TBPL2: variants seen among roughly 807,000 people sequenced by gnomAD.
The protein encoded by TBPL2 is TATA-box binding protein like 2.
A neutral mutation model predicts 38.2 loss-of-function variants in TBPL2; 40 were observed. The ratio of observed to expected loss-of-function variants is 1.05; its 90% CI spans 0.81 to 1.36. The LOEUF (loss-of-function observed/expected upper bound fraction) is 1.36, where lower values mean the gene tolerates loss of function less well. Ranked by LOEUF, TBPL2 falls within the 40% of genes most tolerant of loss-of-function variation. TBPL2 has a pLI of 0.00. For missense variants in TBPL2, 461 were observed against 456.7 expected, an observed-to-expected ratio of 1.01 and a Z score of -0.09; for synonymous variants, 169 against 171.7, an observed-to-expected ratio of 0.98 and a Z score of 0.12.
At chr14:55,437,216 C>A (rs564192407) in intron 1 of TBPL2, among the ~76,000 whole-genome samples, 198 bp from the exon 2 acceptor site, 2 of 152,336 alleles carry the variant, frequency 1.3e-5, no homozygotes, top group African/African-American at 2.4e-5. Context: ...GTAGCTCACG[C>A]CTGTAATCCC....
chr14:55,433,772 T>C, intron 3 of TBPL2, 51 bp from the exon 4 acceptor site: 1 of 1,535,048 alleles, frequency 6.5e-7, no homozygotes. Context: ...GTTAACATTA[T>C]CCCAGTTGAA....
intron 4 of TBPL2, 124 bp from the exon 5 acceptor site, chr14:55,429,098 G>C (rs75295884): frequency 0.076 from 91,889 of 1,208,686 alleles, 3,830 homozygotes; most frequent in Non-Finnish European, 0.087. Flanking sequence ...GAAGCTGTAG[G>C]CTTTGTGAGG....
exon 6 of TBPL2, chr14:55,424,179 G>T: frequency 1.2e-6 from 2 of 1,612,928 alleles, no homozygotes; most frequent in Non-Finnish European, 8.5e-7. Context: ...AACTTTTCCA[G>T]ATACAAAGAT....
intron 4 of TBPL2, among the ~76,000 whole-genome samples, chr14:55,431,875 C>T (rs1385974356): frequency 6.6e-6 from 1 of 152,206 alleles, no homozygotes; most frequent in Non-Finnish European, 1.5e-5. Flanking sequence ...GTGGCTATAT[C>T]ATTGCATTAA....
intron 6 of TBPL2, among the ~76,000 whole-genome samples, chr14:55,417,226 G>A (rs145231007): frequency 1.2e-3 from 180 of 152,186 alleles, no homozygotes; most frequent in African/African-American, 4.0e-3. Context: ...GCGTGTAACC[G>A]GTGTTCCTTC....
At chr14:55,433,743 G>A (rs780879974) in intron 3 of TBPL2, 22 bp from the exon 4 acceptor site, 1 of 1,608,786 alleles carries the variant, frequency 6.2e-7, no homozygotes, top group South Asian at 1.1e-5. Context: ...AACCAAAAGA[G>A]AATTAGCCTC....
At chr14:55,417,330 A>G (rs1282363457) in intron 6 of TBPL2, among the ~76,000 whole-genome samples, 1 of 152,020 alleles carries the variant, frequency 6.6e-6, no homozygotes, top group Non-Finnish European at 1.5e-5. Context: ...ACATTTCCTC[A>G]CTAAAATATT....
chr14:55,414,535 G>A (rs1233479808), intron 6 of TBPL2, 80 bp from the exon 7 acceptor site: 13 of 1,010,988 alleles, frequency 1.3e-5, no homozygotes, highest in Non-Finnish European at 1.9e-5. Flanking sequence ...TCATTGTATT[G>A]TCTCCAATTA....
chr14:55,437,150 C>T, intron 1 of TBPL2, 132 bp from the exon 2 acceptor site: 1 of 749,238 alleles, frequency 1.3e-6, no homozygotes. Flanking sequence ...TGCTTGTATT[C>T]ATGCACTGCT....
At chr14:55,420,882 A>G (rs941596502) in intron 6 of TBPL2, among the ~76,000 whole-genome samples, 5 of 151,922 alleles carry the variant, frequency 3.3e-5, no homozygotes, top group Admixed American at 6.6e-5. Flanking sequence ...ACACGGTGAA[A>G]CCCCGTCTCT....
rs115672969 is a variant in TBPL2 at position 55,427,048 on chromosome 14, A to G, written c.956+1759T>C. Among the ~76,000 whole-genome samples, 911 of 152,366 alleles carry G rather than the reference A, an allele frequency of 6.0e-3. 12 individuals carry two copies. Among genetic ancestry groups the G allele is most frequent in the African/African-American group, 0.021 (874 of 41,586 alleles). ...GCTCTTGCAGATGTACACTAAGCCG[A>G]TTCAGAGAAAGATAGGCTGGAGGCT... On this transcript the variant is annotated intron_variant, in intron 5 of 6. Coordinates refer to ENST00000247219, the Ensembl canonical transcript of TBPL2.
chr14:55,432,901 AGCTAAT>A (rs1301308977), intron 4 of TBPL2, among the ~76,000 whole-genome samples: 1 of 152,178 alleles, frequency 6.6e-6, no homozygotes, highest in Non-Finnish European at 1.5e-5. Flanking sequence ...ATGCCTCCTG[AGCTAAT>A]GCAAGCTAAT....
In TBPL2 at chr14:55,425,990, G is replaced by A. The variant is rs111308744; in HGVS notation, c.957-1737C>T. Among the ~76,000 whole-genome samples the A allele has an allele frequency of 4.1e-4, 63 of 152,250 alleles. 1 individual carries two copies. The highest frequency in any genetic ancestry group is 1.3e-3 in the African/African-American group (56 of 41,536). On this transcript the variant is annotated intron_variant, in intron 5 of 6. Coordinates refer to ENST00000247219, the Ensembl canonical transcript of TBPL2. ...TGAATTAAAAATTAAAGAGGGGGCC[G>A]GGTGCGGTGGCTCACACCTGTAATC... is the stretch of plus-strand genomic sequence containing the variant.
At chr14:55,428,117 A>ATTTTTTTT (rs1420262023) in intron 5 of TBPL2, among the ~76,000 whole-genome samples, 6 of 48,348 alleles carry the variant, frequency 1.2e-4, no homozygotes, top group Admixed American at 3.0e-4. Context: ...CACATGCCTT[A>ATTTTTTTT]TCTTTTTTTT....
chr14:55,419,244 A>C (rs1390623506), intron 6 of TBPL2, among the ~76,000 whole-genome samples: 2 of 152,224 alleles, frequency 1.3e-5, no homozygotes, highest in Non-Finnish European at 2.9e-5. Flanking sequence ...GATATCGTTA[A>C]GTTTACTAAG....
At chr14:55,420,774 TG>T (rs1309477317) in intron 6 of TBPL2, among the ~76,000 whole-genome samples, 1 of 151,974 alleles carries the variant, frequency 6.6e-6, no homozygotes, top group Non-Finnish European at 1.5e-5. Flanking sequence ...AAAAGAAATT[TG>T]GGGGTTGGGT....
At position 55,439,616 on chromosome 14, in the gene TBPL2, C is replaced by CG. The variant is rs1555344738; in HGVS notation, c.150+779_150+780insC. Among the ~76,000 whole-genome samples the CG allele has an allele frequency of 2.9e-5, 3 of 102,498 alleles. 1 individual carries two copies. The highest frequency in any genetic ancestry group is 6.3e-4 in the East Asian group (2 of 3,184). 67.2% of individuals were successfully genotyped at this position (102,498 alleles called of 152,430 possible). A position where few individuals can be genotyped will look rare whatever the true frequency, so the allele number is the denominator to read the frequency against. On this transcript the variant is annotated intron_variant, in intron 1 of 6. Transcript: ENST00000247219. ...CACCAGCCTGGGGAGAAAAGCAAAC[C>CG]CCCCCCCGTCTCTACTAAAAAATAC... is the stretch of plus-strand genomic sequence containing the variant.
intron 4 of TBPL2, among the ~76,000 whole-genome samples, chr14:55,432,119 C>T (rs548993239): frequency 6.6e-6 from 1 of 151,694 alleles, no homozygotes; most frequent in South Asian, 2.1e-4. Context: ...TTAAAAAACC[C>T]ACCATAGGCC....
At chr14:55,438,515 G>A (rs999089943) in intron 1 of TBPL2, among the ~76,000 whole-genome samples, 21 of 152,180 alleles carry the variant, frequency 1.4e-4, no homozygotes, top group African/African-American at 4.6e-4. Context: ...GTCTCCTCCC[G>A]CAATTTACGC....
Sources: gnomAD v4.1 joint callset for allele counts (sites outside exome capture counted in the v4.1 genomes callset) on GRCh38, gnomAD v4.1.1 for gene constraint, MANE v1.5 for transcripts, NCBI Gene and HGNC (gene_info 2026-07-23, HGNC 2026-07-21) for gene names.